Variants in PRKCE observed in about 807,000 individuals in gnomAD.
PRKCE encodes protein kinase C epsilon.
In PRKCE, 16 loss-of-function variants were observed where a neutral mutation model predicts 85.4. The observed-to-expected ratio is 0.19, with a 90% confidence interval of 0.13 to 0.28. The LOEUF is 0.28. Among genes scored for constraint, PRKCE ranks in the 10% least tolerant of loss-of-function variants. The pLI is 1.00. For synonymous variants in PRKCE, 388 were observed against 371.5 expected (o/e 1.04, Z -0.51); for missense variants, 573 against 975.2 (o/e 0.59, Z 5.49).
At chr2:45,827,488 G>A (rs989824503) in intron 1 of PRKCE, among the ~76,000 whole-genome samples, 7 of 152,078 alleles carry the variant, frequency 4.6e-5, no homozygotes, top group African/African-American at 9.7e-5. Context: ...TGTATGAGCC[G>A]GAATTGTTCA....
At chr2:45,939,033 C>T (rs974502561) in intron 2 of PRKCE, among the ~76,000 whole-genome samples, 3 of 152,168 alleles carry the variant, frequency 2.0e-5, no homozygotes, top group Non-Finnish European at 4.4e-5. Flanking sequence ...CCTGCTGTCC[C>T]AGTGAAATCC....
chr2:45,986,119 C>T (rs1703303759), intron 6 of PRKCE, among the ~76,000 whole-genome samples: 1 of 152,176 alleles, frequency 6.6e-6, no homozygotes, highest in Non-Finnish European at 1.5e-5. Flanking sequence ...ACCATGGAAG[C>T]CAAAAGAGTA....
chr2:45,942,915 TAAAAG>T (rs1232037106), intron 2 of PRKCE, among the ~76,000 whole-genome samples: 1 of 152,208 alleles, frequency 6.6e-6, no homozygotes, highest in African/African-American at 2.4e-5. Flanking sequence ...TTTAAAAGTA[TAAAAG>T]AAAAGTTGTC....
intron 1 of PRKCE, among the ~76,000 whole-genome samples, chr2:45,760,560 C>T (rs1240041876): frequency 1.3e-5 from 2 of 152,164 alleles, no homozygotes; most frequent in African/African-American, 4.8e-5. Flanking sequence ...AACACCAAGG[C>T]GTGACACGAT....
chr2:45,814,148 A>C (rs73928810), intron 1 of PRKCE, among the ~76,000 whole-genome samples: 1,546 of 152,288 alleles, frequency 0.01, 24 homozygotes, highest in African/African-American at 0.035. Flanking sequence ...CTCTCCTGCC[A>C]CTGTGATGAG....
intron 10 of PRKCE, chr2:46,078,725 C>T (rs1668777161): frequency 6.6e-6 from 1 of 152,220 alleles, no homozygotes; most frequent in African/African-American, 2.4e-5. Flanking sequence ...CTTACCTCTG[C>T]CCTTCAAGGT....
At chr2:45,927,523 C>T (rs1041076971) in intron 2 of PRKCE, among the ~76,000 whole-genome samples, 1 of 152,120 alleles carries the variant, frequency 6.6e-6, no homozygotes, top group African/African-American at 2.4e-5. Context: ...GTCCAAGGGC[C>T]ATAACTGCCT....
At chr2:45,721,420 GA>G (rs1167015401) in intron 1 of PRKCE, among the ~76,000 whole-genome samples, 1 of 152,190 alleles carries the variant, frequency 6.6e-6, no homozygotes, top group African/African-American at 2.4e-5. Context: ...AGGTGGCATA[GA>G]AAAACTAGTT....
At chr2:46,063,228 A>C (rs544698854) in intron 10 of PRKCE, among the ~76,000 whole-genome samples, 3 of 152,284 alleles carry the variant, frequency 2.0e-5, no homozygotes, top group South Asian at 4.1e-4. Flanking sequence ...GAGGAGACAA[A>C]GGACCTAAAA....
chr2:45,723,260 G>A (rs139366068), intron 1 of PRKCE, among the ~76,000 whole-genome samples: 4 of 152,146 alleles, frequency 2.6e-5, no homozygotes, highest in Non-Finnish European at 5.9e-5. Context: ...AGAAAATGCC[G>A]TGACTCCTCC....
chr2:46,055,053 G>A (rs943292481), intron 10 of PRKCE, among the ~76,000 whole-genome samples: 2 of 151,906 alleles, frequency 1.3e-5, no homozygotes, highest in African/African-American at 4.8e-5. Flanking sequence ...TCTCTAATTC[G>A]TTCGTGATCA....
chr2:45,837,280 G>A lies in PRKCE; in HGVS notation c.349-5720G>A, dbSNP rs183115362. On this transcript the variant is annotated intron_variant, in intron 1 of 14. Transcript: ENST00000306156. ...GCAAGTTCTTTTATTTTTTTAAGAC[G>A]GAGTCTTGCTCTGTTGCCTAGGCTG... 6.7e-3 allele frequency among the ~76,000 whole-genome samples: 1,018 copies of A among 152,220 alleles called. 16 individuals are homozygous for A. Among genetic ancestry groups the A allele is most frequent in the African/African-American group, 0.024 (983 of 41,526 alleles).
intron 11 of PRKCE, among the ~76,000 whole-genome samples, chr2:46,126,192 A>G (rs1239670925): frequency 6.6e-6 from 1 of 152,150 alleles, no homozygotes; most frequent in African/African-American, 2.4e-5. Context: ...ACCCACAGAG[A>G]TCTCTCTGGG....
chr2:45,808,528 A>G (rs1320508330), intron 1 of PRKCE, among the ~76,000 whole-genome samples: 1 of 152,148 alleles, frequency 6.6e-6, no homozygotes, highest in Non-Finnish European at 1.5e-5. Flanking sequence ...CTGTTTGTGT[A>G]CCGTCTGGAG....
intron 1 of PRKCE, among the ~76,000 whole-genome samples, chr2:45,827,284 C>T (rs992175515): frequency 3.3e-5 from 5 of 152,330 alleles, no homozygotes; most frequent in South Asian, 4.1e-4. Flanking sequence ...ACAATTCTTA[C>T]GTGTGTTTGA....
Position 45,652,385 on chromosome 2 carries a change from G to A in PRKCE, c.285G>A (p.Val95=). 6.2e-7 allele frequency: 1 copy of A among 1,613,020 alleles called. No homozygotes were observed. The highest frequency in any genetic ancestry group is 2.2e-5 in the East Asian group (1 of 44,844). Residue 95 remains valine, a synonymous_variant, in exon 1 of 15, where the codon GTG becomes GTA. Coordinates refer to ENST00000306156, the MANE Select transcript of PRKCE (RefSeq NM_005400.3). This position sits in a 1 kb window ranked among gnomAD's most constrained non-coding sequence, Gnocchi z 7.7. ...CCCCCATAGGCTACGACGACTTCGT[G>A]GCCAACTGCACCATCCAGTTTGAGG... ...HDAPIGYDDF[V]ANCTIQFEEL... is the part of the protein sequence containing the mutation.
intron 2 of PRKCE, among the ~76,000 whole-genome samples, chr2:45,955,056 A>G (rs987977968): frequency 6.6e-6 from 1 of 152,256 alleles, no homozygotes; most frequent in South Asian, 2.1e-4. Context: ...AGCTGAGGAA[A>G]CAATATGAAC....
rs1359110705 is a variant in PRKCE, at chr2:45,697,030, G to T, written c.348+44582G>T. On this transcript the variant is annotated intron_variant, in intron 1 of 14. Coordinates refer to ENST00000306156, the MANE Select transcript of PRKCE (RefSeq NM_005400.3). The surrounding 1 kb of genome is among the most constrained non-coding windows in gnomAD (Gnocchi z 4.2). Reference sequence around the variant, plus strand: ...TACTTGCCACCAAGGCCCATGTTTGGTGCAGAGCTGAAAGCAAACCTTTTT... The same window carrying T: ...TACTTGCCACCAAGGCCCATGTTTGTTGCAGAGCTGAAAGCAAACCTTTTT... Among the ~76,000 whole-genome samples, 8 of 152,176 alleles carry T rather than the reference G, an allele frequency of 5.3e-5. No individual in the cohort carries two copies. The highest frequency in any genetic ancestry group is 1.9e-4 in the African/African-American group (8 of 41,430).
chr2:45,893,195 T>G (rs558001360), intron 2 of PRKCE, among the ~76,000 whole-genome samples: 178 of 152,248 alleles, frequency 1.2e-3, no homozygotes, highest in African/African-American at 3.9e-3. Flanking sequence ...AAGTGGCCTG[T>G]TCCTTCAGAG....
Sources: allele counts gnomAD v4.1 joint callset (sites outside exome capture counted in the v4.1 genomes callset), GRCh38; gene constraint gnomAD v4.1.1; non-coding constraint Gnocchi (gnomAD v3.1); transcripts MANE v1.5; gene names NCBI Gene and HGNC (gene_info 2026-07-23, HGNC 2026-07-21).